EML1: variants seen among roughly 807,000 people sequenced by gnomAD.
EML1 encodes the protein echinoderm microtubule-associated protein-like 1.
In EML1, 27 loss-of-function variants were observed where a neutral mutation model predicts 110.4. The ratio of observed to expected loss-of-function variants is 0.24; its 90% CI spans 0.18 to 0.34. The LOEUF (loss-of-function observed/expected upper bound fraction) is 0.34. EML1 is among the 10% of genes least tolerant of loss of function. EML1 has a pLI of 1.00. For synonymous variants in EML1, 344 were observed against 385.8 expected (o/e 0.89, Z 1.27); for missense variants, 741 against 1,030.9 (o/e 0.72, Z 3.85).
intron 1 of EML1, among the ~76,000 whole-genome samples, chr14:99,811,092 G>A (rs890045831): frequency 6.6e-6 from 1 of 152,080 alleles, no homozygotes; most frequent in Admixed American, 6.6e-5. Context: ...CCTCATACAC[G>A]GTTGACCCTT....
chr14:99,868,031 G>A (rs182434537), intron 3 of EML1, among the ~76,000 whole-genome samples: 24 of 152,208 alleles, frequency 1.6e-4, no homozygotes, highest in Non-Finnish European at 2.4e-4. Context: ...TCATGAAAAG[G>A]AGTTGAATTT....
intron 1 of EML1, among the ~76,000 whole-genome samples, chr14:99,796,172 G>A (rs1226541137): frequency 6.9e-6 from 1 of 145,724 alleles, no homozygotes; most frequent in East Asian, 2.0e-4. Flanking sequence ...GGGTGACAAA[G>A]TGAGACCCTG....
intron 1 of EML1, among the ~76,000 whole-genome samples, chr14:99,774,268 AC>A (rs2057457980): frequency 6.6e-6 from 1 of 152,014 alleles, no homozygotes; most frequent in African/African-American, 2.4e-5. Flanking sequence ...CTCTAGAATG[AC>A]TCTGGTCACA....
upstream of EML1, among the ~76,000 whole-genome samples, chr14:99,789,366 G>A (rs780205977): frequency 2.6e-5 from 4 of 151,976 alleles, no homozygotes; most frequent in South Asian, 2.1e-4. Flanking sequence ...TCACCTCTAC[G>A]CCCAGCTAAT....
intron 1 of EML1, among the ~76,000 whole-genome samples, chr14:99,738,191 C>T (rs1217640812): frequency 3.9e-5 from 6 of 152,210 alleles, no homozygotes; most frequent in Admixed American, 6.5e-5. Context: ...CTCAGGATGC[C>T]GTGGGCCACT....
intron 4 of EML1, among the ~76,000 whole-genome samples, chr14:99,880,795 T>G (rs1342716420): frequency 6.6e-6 from 1 of 152,166 alleles, no homozygotes; most frequent in Non-Finnish European, 1.5e-5. Flanking sequence ...AATTAGAGAT[T>G]TTATACCTAA....
Position 99,827,264 on chromosome 14 carries a change from G to A in EML1, c.68-23589G>A, listed in dbSNP as rs2139763664. Among the ~76,000 whole-genome samples, 1 of 152,228 alleles carries A rather than the reference G, an allele frequency of 6.6e-6. No homozygotes were observed. Among genetic ancestry groups the A allele is most frequent in the Non-Finnish European group, 1.5e-5 (1 of 67,996 alleles). ...AGGAGGATGACCACCTGAAGACACA[G>A]GGAGAAGATGGCCAGCGAGAGAGGC... On this transcript the variant is annotated intron_variant, in intron 1 of 21. Transcript: ENST00000262233. This position sits in a 1 kb window ranked among gnomAD's most constrained non-coding sequence, Gnocchi z 4.4.
upstream of EML1, among the ~76,000 whole-genome samples, chr14:99,771,304 C>G (rs1288024168): frequency 6.6e-6 from 1 of 152,168 alleles, no homozygotes; most frequent in Non-Finnish European, 1.5e-5. Flanking sequence ...TTTGCCTATT[C>G]TGGACGTTTA....
At chr14:99,790,106 A>C (rs2057647241), upstream of EML1, among the ~76,000 whole-genome samples, 1 of 152,216 alleles carries the variant, frequency 6.6e-6, no homozygotes, top group African/African-American at 2.4e-5. Context: ...CTCTAGGTTA[A>C]GAGAGCAATG....
rs185093685 is a variant in EML1 at position 99,805,978 on chromosome 14, C to T, written c.67+12435C>T. On this transcript the variant is annotated intron_variant, in intron 1 of 21. Coordinates refer to ENST00000262233, the MANE Select transcript of EML1 (RefSeq NM_004434.3). ...CATTACATAATTCCCCACTCTCCCC[C>T]GCCAGCTCCTGGTCCAGCATTCGAC... 2.0e-3 allele frequency among the ~76,000 whole-genome samples: 298 copies of T among 152,264 alleles called. 4 individuals are homozygous for T. Among genetic ancestry groups the T allele is most frequent in the African/African-American group, 9.4e-4 (39 of 41,542 alleles).
intron 9 of EML1, among the ~76,000 whole-genome samples, chr14:99,902,857 G>A (rs2059784378): frequency 6.6e-6 from 1 of 152,168 alleles, no homozygotes; most frequent in South Asian, 2.1e-4. Context: ...CCTGTACAGG[G>A]ACTGTGGAGA....
chr14:99,914,083 T>C, intron 13 of EML1, 96 bp from the exon 14 acceptor site: 1 of 1,464,056 alleles, frequency 6.8e-7, no homozygotes, highest in South Asian at 1.3e-5. Context: ...ATAAAACTGT[T>C]ATAGGGACTA....
intron 1 of EML1, among the ~76,000 whole-genome samples, chr14:99,822,052 C>A (rs528662908): frequency 4.6e-5 from 7 of 152,122 alleles, no homozygotes; most frequent in Non-Finnish European, 8.8e-5. Flanking sequence ...ATGAGGGATC[C>A]GATCGGTTGC....
rs1324171860 is a variant in EML1 at position 99,906,967 on chromosome 14, C to T, written c.1009-671C>T. On this transcript the variant is annotated intron_variant, in intron 9 of 21. Coordinates refer to ENST00000262233, the MANE Select transcript of EML1 (RefSeq NM_004434.3). ...CCAGAGCCGAGGCATTGTGCAGCCC[C>T]ACAGCAGCCACCTTCACAGCTGCTA... The T allele has an allele frequency of 2.6e-5, 4 of 152,686 alleles. No homozygotes were observed. In the East Asian group the frequency reaches 7.7e-4, roughly 29 times the overall value. 9.5% of individuals were successfully genotyped at this position (152,686 alleles called of 1,614,324 possible).
intron 1 of EML1, among the ~76,000 whole-genome samples, chr14:99,762,029 C>A (rs1049742693): frequency 2.0e-5 from 3 of 151,808 alleles, no homozygotes; most frequent in African/African-American, 4.8e-5. Context: ...GATTGGAAAC[C>A]AATGACAATT....
At chr14:99,817,867 C>T (rs1478102749) in intron 1 of EML1, among the ~76,000 whole-genome samples, 2 of 152,104 alleles carry the variant, frequency 1.3e-5, no homozygotes, top group Non-Finnish European at 2.9e-5. Flanking sequence ...GGATGCTCTG[C>T]TAGAGTGTAG....
At chr14:99,868,512 T>C (rs2059140264) in intron 3 of EML1, among the ~76,000 whole-genome samples, 1 of 152,192 alleles carries the variant, frequency 6.6e-6, no homozygotes, top group African/African-American at 2.4e-5. Flanking sequence ...TCTGTTCATA[T>C]TTTTTGCTTC....
At chr14:99,838,928 T>G (rs372067704) in intron 1 of EML1, 6 of 142,570 alleles carry the variant, frequency 4.2e-5, no homozygotes, top group African/African-American at 1.5e-4. Flanking sequence ...CGTGTGTGTG[T>G]GTGCGCGCGC....
At position 99,939,389 on chromosome 14, in the gene EML1, G is replaced by C. The variant is rs2060537476; in HGVS notation, c.2322+62G>C. On this transcript the variant is annotated intron_variant, in intron 21 of 21. Transcript: ENST00000262233. This position sits in a 1 kb window ranked among gnomAD's most constrained non-coding sequence, Gnocchi z 4.2. ...TGGGGCATGCACGTACACCCGACCT[G>C]TTTGGAGACTAAGTGGAAATGGGCT... The C allele has an allele frequency of 6.3e-6, 10 of 1,592,982 alleles. No individual in the cohort carries two copies. The highest frequency in any genetic ancestry group is 8.6e-6 in the Non-Finnish European group (10 of 1,167,232).
Sources: allele counts gnomAD v4.1 joint callset (sites outside exome capture counted in the v4.1 genomes callset), GRCh38; gene constraint gnomAD v4.1.1; non-coding constraint Gnocchi (gnomAD v3.1); transcripts MANE v1.5; gene names NCBI Gene and HGNC (gene_info 2026-07-23, HGNC 2026-07-21).